Variants in DPEP2 observed in about 807,000 individuals in gnomAD.
DPEP2 encodes dipeptidase 2.
In DPEP2, 45 loss-of-function variants were observed where a neutral mutation model predicts 51.8. The ratio of observed to expected loss-of-function variants is 0.87; its 90% CI spans 0.68 to 1.11. The LOEUF (loss-of-function observed/expected upper bound fraction) is 1.11. Ranked by LOEUF, DPEP2 falls within the 50% of genes most tolerant of loss-of-function variation. DPEP2 has a pLI of 0.00. For missense variants in DPEP2, 604 were observed against 631.9 expected (o/e 0.96, Z 0.47); for synonymous variants, 255 against 262.7 (o/e 0.97, Z 0.28).
chr16:67,989,173 T>C (rs1939145866), intron 9 of DPEP2, 150 bp downstream of exon 9: 1 of 800,292 alleles, frequency 1.2e-6, no homozygotes, highest in South Asian at 1.7e-5. Context: ...TGTCCTAGAG[T>C]GGGGTCACTG....
intron 1 of DPEP2, among the ~76,000 whole-genome samples, chr16:67,997,863 G>C (rs1218952774): frequency 1.3e-5 from 2 of 152,136 alleles, no homozygotes; most frequent in African/African-American, 4.8e-5. Context: ...CAGTAAGGAG[G>C]AATCAGCGGT....
rs550350397 is a variant in DPEP2 at position 67,999,430 on chromosome 16, G to A, written c.-101C>T. 1.0e-6 allele frequency: 1 copy of A among 975,288 alleles called. No homozygotes were observed. The highest frequency in any genetic ancestry group is 1.7e-5 in the African/African-American group (1 of 57,178). 60.4% of individuals were successfully genotyped at this position (975,288 alleles called of 1,614,324 possible). A position where few individuals can be genotyped will look rare whatever the true frequency, so the allele number is the denominator to read the frequency against. On this transcript the variant is annotated 5_prime_UTR_variant, in exon 1 of 11. Coordinates refer to ENST00000393847, the MANE Select transcript of DPEP2 (RefSeq NM_022355.4). ...CTGCAGCTTCATTCTAGAACTCAGT[G>A]AGACCAAGAACCCACCAATTCCGGA...
At chr16:68,000,106 C>A (rs2032938376), upstream of DPEP2, among the ~76,000 whole-genome samples, 1 of 152,144 alleles carries the variant, frequency 6.6e-6, no homozygotes, top group East Asian at 1.9e-4. Flanking sequence ...CTACGTCCCC[C>A]CATAGAGCCT....
At chr16:67,993,443 A>G in intron 1 of DPEP2, 186 bp from the exon 2 acceptor site, 2 of 1,250,840 alleles carry the variant, frequency 1.6e-6, no homozygotes, top group South Asian at 3.1e-5. Flanking sequence ...CGTCATCCCC[A>G]AGGGCGCTCC....
Position 67,989,830 on chromosome 16 carries a change from G to A in DPEP2, c.994+217C>T, listed in dbSNP as rs538676577. On this transcript the variant is annotated intron_variant, in intron 8 of 10. Transcript: ENST00000393847. The stretch of plus-strand genomic sequence containing the variant: ...TGCTTTGGGGATCCCCTGCAGAGGC[G>A]CAGATAGTTAGCACTCAGGTTCTAT... Among the ~76,000 whole-genome samples the A allele has an allele frequency of 8.5e-5, 13 of 152,324 alleles. No individual in the cohort carries two copies. In the South Asian group the frequency reaches 2.5e-3, roughly 29 times the overall value.
At chr16:67,988,192 C>T (rs1407099019) in intron 9 of DPEP2, 3 of 597,286 alleles carry the variant, frequency 5.0e-6, no homozygotes, top group Admixed American at 6.0e-5. Context: ...TTGAATCATA[C>T]TATTAAGATC....
At position 67,991,205 on chromosome 16, in the gene DPEP2, A is replaced by T; in HGVS notation, c.663-21T>A. 1 of 1,611,912 alleles carries T rather than the reference A, an allele frequency of 6.2e-7. No individual in the cohort carries two copies. Among genetic ancestry groups the T allele is most frequent in the Non-Finnish European group, 8.5e-7 (1 of 1,179,738 alleles). On this transcript the variant is annotated intron_variant, in intron 5 of 10. Transcript: ENST00000393847. This position sits in a 1 kb window ranked among gnomAD's most constrained non-coding sequence, Gnocchi z 5.1. ...CTGCCCTGCAGGGTGGCCAGGAAGC[A>T]GTCTGACTGGTAGCTGTTCCTCGGC... is the stretch of plus-strand genomic sequence containing the variant.
chr16:67,990,999 T>C lies in DPEP2; in HGVS notation c.733-2A>G, dbSNP rs758956924. On this transcript the variant is annotated splice_acceptor_variant, in intron 6 of 10. Coordinates refer to ENST00000393847, the MANE Select transcript of DPEP2 (RefSeq NM_022355.4). LOFTEE classifies it high-confidence loss of function. Reference sequence around the variant, plus strand: ...GCGGTTCATTTCTGCCACCACCTTCTGCAGGGACATGTTGGGAGAAGGGTA... The same window carrying C: ...GCGGTTCATTTCTGCCACCACCTTCCGCAGGGACATGTTGGGAGAAGGGTA... 8.7e-6 allele frequency: 14 copies of C among 1,613,990 alleles called. No individual in the cohort carries two copies. Among genetic ancestry groups the C allele is most frequent in the Non-Finnish European group, 1.2e-5 (14 of 1,179,810 alleles).
intron 4 of DPEP2, 38 bp from the exon 5 acceptor site, chr16:67,992,017 T>A: frequency 6.2e-7 from 1 of 1,614,012 alleles, no homozygotes; most frequent in Non-Finnish European, 8.5e-7. Flanking sequence ...TTTCCAGGGC[T>A]GGAGTAGCTC....
chr16:67,989,182 TG>T, intron 9 of DPEP2, 140 bp downstream of exon 9: 1 of 893,010 alleles, frequency 1.1e-6, no homozygotes, highest in Non-Finnish European at 1.7e-6. Context: ...GTGGGGTCAC[TG>T]GGATGAAGAC....
intron 9 of DPEP2, 178 bp from the exon 10 acceptor site, chr16:67,988,165 A>G (rs2031646818): frequency 1.5e-6 from 1 of 677,040 alleles, no homozygotes; most frequent in Non-Finnish European, 2.4e-6. Context: ...ACCTCCTTGA[A>G]TATTTATCAA....
chr16:67,992,957 C>T lies in DPEP2; in HGVS notation c.256G>A (p.Val86Met), dbSNP rs370389022. 1.7e-5 allele frequency: 28 copies of T among 1,610,850 alleles called. No individual in the cohort carries two copies. In the East Asian group the frequency reaches 4.9e-4, roughly 28 times the overall value. Reference sequence around the variant, plus strand: ...CTTGCAGCAATTACGCACCCGTCCACGAGCGGGAAGTCCCGCATCAGGGCC... The same window carrying T: ...CTTGCAGCAATTACGCACCCGTCCATGAGCGGGAAGTCCCGCATCAGGGCC... ...ARALMRDFPL[V>M]DGHNDLPLVL... Residue 86 changes from valine to methionine, a missense_variant, in exon 2 of 11, where the codon GTG (valine) becomes ATG (methionine). Val to Met is a conservative substitution (Grantham distance 21). Coordinates refer to ENST00000393847, the MANE Select transcript of DPEP2 (RefSeq NM_022355.4).
Position 67,993,272 on chromosome 16 carries a change from C to T in DPEP2, c.-45-15G>A. 2 of 1,376,646 alleles carry T rather than the reference C, an allele frequency of 1.5e-6. No individual in the cohort carries two copies. Among genetic ancestry groups the T allele is most frequent in the Non-Finnish European group, 9.4e-7 (1 of 1,063,246 alleles). The allele number at this position is 1,376,646 out of a possible 1,614,324, so 85.3% of individuals were successfully genotyped here. A position where few individuals can be genotyped will look rare whatever the true frequency, so the allele number is the denominator to read the frequency against. ...AGTCAGAGAGCCTGAGAGGGGCGGG[C>T]GAGGGGCAGAGCGCGACGATGGAGT... On this transcript the variant is annotated splice_polypyrimidine_tract_variant and intron_variant, in intron 1 of 10. Transcript: ENST00000393847.
At position 67,992,493 on chromosome 16, in the gene DPEP2, G is replaced by A. The variant is rs774100913; in HGVS notation, c.390+17C>T. The A allele has an allele frequency of 7.5e-6, 12 of 1,604,598 alleles. No homozygotes were observed. Among genetic ancestry groups the A allele is most frequent in the South Asian group, 1.1e-5 (1 of 90,404 alleles). On this transcript the variant is annotated intron_variant, in intron 3 of 10. Transcript: ENST00000393847. The stretch of plus-strand genomic sequence containing the variant: ...CCCAGCAGCCATGCTGTGGCACCTC[G>A]TGTATCCCTGTGGTACCTGGGCGCC...
rs143876744 is a variant in DPEP2 at position 67,987,580 on chromosome 16, A to T, written c.1387T>A (p.Ser463Thr). Residue 463 changes from serine to threonine, a missense_variant, in exon 11 of 11, where the codon TCA (serine) becomes ACA (threonine). Ser to Thr is a moderately conservative substitution (Grantham distance 58). Transcript: ENST00000393847. ...TAKLPAKWSVSESSPHMAPVL... is the reference protein window; with the variant it reads ...TAKLPAKWSVTESSPHMAPVL... ...GGGGCCATGTGGGGGGAGGACTCTGAGACTGACCACTTGGCTGGTAACTTG... is the reference window on the plus strand; with the variant it reads ...GGGGCCATGTGGGGGGAGGACTCTGTGACTGACCACTTGGCTGGTAACTTG... 8.1e-6 allele frequency: 13 copies of T among 1,614,054 alleles called. No individual in the cohort carries two copies. The highest frequency in any genetic ancestry group is 8.5e-7 in the Non-Finnish European group (1 of 1,180,044).
At chr16:67,989,819 C>A (rs2031901187) in intron 8 of DPEP2, among the ~76,000 whole-genome samples, 1 of 152,186 alleles carries the variant, frequency 6.6e-6, no homozygotes, top group Non-Finnish European at 1.5e-5. Flanking sequence ...TTGGGGATCC[C>A]CTGCAGAGGC....
At chr16:67,996,110 C>T (rs1019348069) in intron 1 of DPEP2, among the ~76,000 whole-genome samples, 1 of 152,052 alleles carries the variant, frequency 6.6e-6, no homozygotes, top group Admixed American at 6.6e-5. Flanking sequence ...GCAGTCTCAG[C>T]TCACTGCAGC....
At position 67,993,284 on chromosome 16, in the gene DPEP2, C is replaced by T. The variant is rs978890174; in HGVS notation, c.-45-27G>A. On this transcript the variant is annotated intron_variant, in intron 1 of 10. Transcript: ENST00000393847. Reference sequence around the variant, plus strand: ...TGAGAGGGGCGGGCGAGGGGCAGAGCGCGACGATGGAGTCCCGACCCTCGA... The same window carrying T: ...TGAGAGGGGCGGGCGAGGGGCAGAGTGCGACGATGGAGTCCCGACCCTCGA... 10 of 1,372,618 alleles carry T rather than the reference C, an allele frequency of 7.3e-6. No individual in the cohort carries two copies. The African/African-American group carries it at 1.1e-4, about 14-fold the overall frequency. The allele number at this position is 1,372,618 out of a possible 1,614,324, so 85.0% of individuals were successfully genotyped here. A position where few individuals can be genotyped will look rare whatever the true frequency, so the allele number is the denominator to read the frequency against.
intron 1 of DPEP2, among the ~76,000 whole-genome samples, chr16:67,997,635 C>A (rs2032778749): frequency 6.6e-6 from 1 of 152,202 alleles, no homozygotes; most frequent in Admixed American, 6.5e-5. Context: ...GGATTACAGG[C>A]ATGAGCCACC....
Sources: allele counts gnomAD v4.1 joint callset (sites outside exome capture counted in the v4.1 genomes callset), GRCh38; gene constraint gnomAD v4.1.1; non-coding constraint Gnocchi (gnomAD v3.1); transcripts MANE v1.5; gene names NCBI Gene and HGNC (gene_info 2026-07-23, HGNC 2026-07-21).